The following PC variants were observed in gnomAD, a reference collection of about 807,000 sequenced individuals.
PC encodes pyruvate carboxylase, mitochondrial.
A neutral mutation model predicts 107.8 loss-of-function variants in PC; 46 were observed. That is an observed-to-expected ratio of 0.43 (90% CI 0.34 to 0.55). The LOEUF (loss-of-function observed/expected upper bound fraction) is 0.55. Among genes scored for constraint, PC ranks in the 20% least tolerant of loss-of-function variants. The probability of loss-of-function intolerance (pLI) is 0.04; values close to 1 mark genes in which losing one functional copy is unlikely to be tolerated. For missense variants in PC, 1,241 were observed against 1,643.1 expected (o/e 0.76, Z 4.23); for synonymous variants, 662 against 684.7 (o/e 0.97, Z 0.52).
At chr11:66,932,692 C>T (rs776251289) in intron 3 of PC, among the ~76,000 whole-genome samples, 5 of 152,034 alleles carry the variant, frequency 3.3e-5, no homozygotes, top group Non-Finnish European at 7.4e-5. Context: ...AGCTAGCCAT[C>T]GGGGAAAGAA....
rs1298445531 is a variant in PC, at chr11:66,852,963, CCT to C, written c.1514-129_1514-128del. 1.4e-5 allele frequency: 11 copies of C among 790,032 alleles called. No individual in the cohort carries two copies. The highest frequency in any genetic ancestry group is 7.0e-5 in the African/African-American group (4 of 57,334). The allele number at this position is 790,032 out of a possible 1,614,324, so 48.9% of individuals were successfully genotyped here. A position where few individuals can be genotyped will look rare whatever the true frequency, so the allele number is the denominator to read the frequency against. On this transcript the variant is annotated intron_variant, in intron 13 of 22. Coordinates refer to ENST00000393960, the MANE Select transcript of PC (RefSeq NM_001040716.2). The surrounding 1 kb of genome is among the most constrained non-coding windows in gnomAD (Gnocchi z 4.7). ...AGGATCCCCGGGCTTCCAGCTGGCC[CCT>C]GTCCTCTCCAAAGCCAGGGCCTCCT... is the stretch of plus-strand genomic sequence containing the variant.
Position 66,866,265 on chromosome 11 carries a change from G to T in PC, c.1107C>A (p.Ile369=). ...DLGLRQENIR[I]NGCAIQCRVT... is the part of the protein sequence containing the mutation. ...CCCGGCACTGGATGGCACACCCGTT[G>T]ATGCGGATGTTCTCCTGCCGCAGGC... is the stretch of plus-strand genomic sequence containing the variant. The change falls in exon 11 of 23, where the codon ATC becomes ATA. Residue 369 remains isoleucine (I), a synonymous_variant. Transcript: ENST00000393960. This position sits in a 1 kb window ranked among gnomAD's most constrained non-coding sequence, Gnocchi z 5.4. The T allele has an allele frequency of 6.2e-7, 1 of 1,613,062 alleles. No individual in the cohort carries two copies.
chr11:66,947,121 C>A (rs1223828738), intron 3 of PC, among the ~76,000 whole-genome samples: 3 of 152,094 alleles, frequency 2.0e-5, no homozygotes, highest in African/African-American at 2.4e-5. Context: ...CAGGATCCAG[C>A]CACTCCACTC....
chr11:66,948,307 T>C (rs1414391505), intron 3 of PC, among the ~76,000 whole-genome samples: 2 of 151,998 alleles, frequency 1.3e-5, no homozygotes, highest in South Asian at 2.1e-4. Flanking sequence ...GAAAAAAGAA[T>C]ATATACTGTA....
Position 66,872,147 on chromosome 11 carries a change from G to C in PC, c.13C>G (p.Arg5Gly). The C allele has an allele frequency of 6.3e-7, 1 of 1,581,902 alleles. No individual in the cohort carries two copies. Among genetic ancestry groups the C allele is most frequent in the Non-Finnish European group, 8.6e-7 (1 of 1,164,864 alleles). MLKF[R>G]TVHGGLRLLG... The stretch of plus-strand genomic sequence containing the variant: ...AGCCTCAGGCCCCCATGGACTGTTC[G>C]GAACTTCAGCATCTAGGGAGGGAAG... Residue 5 changes from arginine to glycine, a missense_variant, in exon 4 of 23, where the codon CGA (arginine) becomes GGA (glycine). By Grantham distance (125) the Arg-to-Gly change is moderately radical. Transcript: ENST00000393960.
In PC at chr11:66,916,713, G is replaced by A. The variant is rs913187038; in HGVS notation, c.-1+35717C>T. Among the ~76,000 whole-genome samples the A allele has an allele frequency of 6.6e-5, 10 of 152,172 alleles. No homozygotes were observed. In the South Asian group the frequency reaches 8.3e-4, roughly 13 times the overall value. ...CTCATGCCTGTAATCCCAGCACTTC[G>A]GGAGGCCGAGGCGTGCGGATCACGA... On this transcript the variant is annotated intron_variant, in intron 3 of 22. Transcript: ENST00000393960.
At chr11:66,953,180 G>T (rs1301639914) in intron 2 of PC, among the ~76,000 whole-genome samples, 1 of 152,178 alleles carries the variant, frequency 6.6e-6, no homozygotes, top group Non-Finnish European at 1.5e-5. Flanking sequence ...TCTAGAAACA[G>T]TTCGTTTTAT....
chr11:66,870,465 G>C lies in PC; in HGVS notation c.752-12C>G, dbSNP rs970558615. The stretch of plus-strand genomic sequence containing the variant: ...CCCATACTGGTCCCCTGGGGAGGGA[G>C]GTAAACTGGGCTTAGCTTTTACTGG... On this transcript the variant is annotated splice_polypyrimidine_tract_variant and intron_variant, in intron 8 of 22. Transcript: ENST00000393960. This position sits in a 1 kb window ranked among gnomAD's most constrained non-coding sequence, Gnocchi z 6.1. The C allele has an allele frequency of 6.2e-6, 10 of 1,612,226 alleles. No individual in the cohort carries two copies. Among genetic ancestry groups the C allele is most frequent in the African/African-American group, 5.3e-5 (4 of 74,840 alleles).
intron 3 of PC, among the ~76,000 whole-genome samples, chr11:66,910,134 A>T (rs2078377836): frequency 6.6e-6 from 1 of 152,172 alleles, no homozygotes; most frequent in Non-Finnish European, 1.5e-5. Context: ...GTCTGGCTTA[A>T]ACGGTAGCAA....
Position 66,866,468 on chromosome 11 carries a change from T to C in PC, c.1023-119A>G, listed in dbSNP as rs1946501180. 5.3e-6 allele frequency: 4 copies of C among 748,350 alleles called. No homozygotes were observed. The highest frequency in any genetic ancestry group is 4.2e-5 in the Admixed American group (2 of 47,264). The allele number at this position is 748,350 out of a possible 1,614,324, so 46.4% of individuals were successfully genotyped here. A position where few individuals can be genotyped will look rare whatever the true frequency, so the allele number is the denominator to read the frequency against. ...CCACACACAGTGCGACTCCTGCCCA[T>C]AGGCTCTGGGCCAGCCTGAACAGCC... On this transcript the variant is annotated intron_variant, in intron 10 of 22. Coordinates refer to ENST00000393960, the MANE Select transcript of PC (RefSeq NM_001040716.2). This position sits in a 1 kb window ranked among gnomAD's most constrained non-coding sequence, Gnocchi z 5.4.
intron 13 of PC, 132 bp downstream of exon 13, chr11:66,853,107 G>T: frequency 9.7e-7 from 1 of 1,031,986 alleles, no homozygotes; most frequent in Non-Finnish European, 1.4e-6. Context: ...CGCAGGGCCA[G>T]AATGAGGGCA....
At chr11:66,920,986 C>T (rs866484162) in intron 3 of PC, among the ~76,000 whole-genome samples, 1 of 150,086 alleles carries the variant, frequency 6.7e-6, no homozygotes. Flanking sequence ...TGCAGTGAGC[C>T]GAGATCTCCA....
In PC at chr11:66,850,298, G is replaced by A. The variant is rs770582237; in HGVS notation, c.2640C>T (p.Ser880=). 3 of 1,614,164 alleles carry A rather than the reference G, an allele frequency of 1.9e-6. No individual in the cohort carries two copies. Among genetic ancestry groups the A allele is most frequent in the Non-Finnish European group, 1.7e-6 (2 of 1,180,042 alleles). The part of the protein sequence containing the change: ...QYTNLHFQAH[S]MGLGSKFKEV... ...CCTTGAACTTGGAGCCAAGCCCCAT[G>A]CTGTGGGCCTGGAAGTGCAGGTTGG... Residue 880 remains serine (S), a synonymous_variant, in exon 19 of 23, where the codon AGC becomes AGT. Transcript: ENST00000393960.
chr11:66,863,643 C>A lies in PC; in HGVS notation c.1368+131G>T, dbSNP rs1356160655. 6.1e-6 allele frequency: 6 copies of A among 989,484 alleles called. No individual in the cohort carries two copies. The East Asian group carries it at 1.2e-4, about 20-fold the overall frequency. 61.3% of individuals were successfully genotyped at this position (989,484 alleles called of 1,614,324 possible). A position where few individuals can be genotyped will look rare whatever the true frequency, so the allele number is the denominator to read the frequency against. On this transcript the variant is annotated intron_variant, in intron 12 of 22. Coordinates refer to ENST00000393960, the MANE Select transcript of PC (RefSeq NM_001040716.2). ...GTGCAGCTGCAGCCAAGGAGAGCCA[C>A]TGACCTCGACCCATCAGTCAGGGGC...
Position 66,871,995 on chromosome 11 carries a change from C to G in PC, c.136+29G>C, listed in dbSNP as rs1316566722. 1.3e-6 allele frequency: 2 copies of G among 1,557,214 alleles called. No homozygotes were observed. The highest frequency in any genetic ancestry group is 3.9e-5 in the Admixed American group (2 of 51,578). The stretch of plus-strand genomic sequence containing the variant: ...TGCCAAGGCTGGGGCGGCCATGAGG[C>G]TCCTCTCACCGGCCCCACTGGTGCT... On this transcript the variant is annotated intron_variant, in intron 4 of 22. Transcript: ENST00000393960. The surrounding 1 kb of genome is among the most constrained non-coding windows in gnomAD (Gnocchi z 7.4).
In PC at chr11:66,852,850, G is replaced by A. The variant is rs747720098; in HGVS notation, c.1514-14C>T. Reference sequence around the variant, plus strand: ...CCATGACATGGCCTGGGGAGAAAGCGGGCAGTGGGTCAGGGTGGGCTGGGC... The same window carrying A: ...CCATGACATGGCCTGGGGAGAAAGCAGGCAGTGGGTCAGGGTGGGCTGGGC... On this transcript the variant is annotated splice_polypyrimidine_tract_variant and intron_variant, in intron 13 of 22. Transcript: ENST00000393960. This position sits in a 1 kb window ranked among gnomAD's most constrained non-coding sequence, Gnocchi z 4.7. 34 of 1,551,146 alleles carry A rather than the reference G, an allele frequency of 2.2e-5. No homozygotes were observed. Among genetic ancestry groups the A allele is most frequent in the South Asian group, 1.4e-4 (11 of 81,478 alleles).
intron 3 of PC, among the ~76,000 whole-genome samples, chr11:66,930,414 G>T (rs1224765644): frequency 2.6e-5 from 4 of 152,168 alleles, no homozygotes; most frequent in Non-Finnish European, 5.9e-5. Flanking sequence ...ATACCCCACA[G>T]AAATTCTTGC....
chr11:66,849,463 G>T, intron 21 of PC, 93 bp from the exon 22 acceptor site: 1 of 1,602,400 alleles, frequency 6.2e-7, no homozygotes, highest in Non-Finnish European at 8.5e-7. Context: ...ACTGGGCCTT[G>T]GCTCCTCGTT....
intron 3 of PC, among the ~76,000 whole-genome samples, chr11:66,872,429 T>G (rs931845703): frequency 2.0e-5 from 3 of 152,110 alleles, no homozygotes; most frequent in Non-Finnish European, 4.4e-5. Flanking sequence ...TGGTCGCAAA[T>G]GATCCTCCCA....
Sources: gnomAD v4.1 joint callset for allele counts (sites outside exome capture counted in the v4.1 genomes callset) on GRCh38, gnomAD v4.1.1 for gene constraint, Gnocchi (gnomAD v3.1) non-coding constraint, MANE v1.5 for transcripts, NCBI Gene and HGNC (gene_info 2026-07-23, HGNC 2026-07-21) for gene names.